The following NKAIN2 variants were observed in gnomAD, a reference collection of about 807,000 sequenced individuals.
NKAIN2 encodes sodium/potassium-transporting ATPase subunit beta-1-interacting protein 2.
A neutral mutation model predicts 32.6 loss-of-function variants in NKAIN2; 14 were observed. The ratio of observed to expected loss-of-function variants is 0.43; its 90% CI spans 0.28 to 0.67. NKAIN2 has a LOEUF of 0.67. Ranked by LOEUF, NKAIN2 falls within the 30% of genes least tolerant of loss-of-function variation. The pLI is 0.17. For synonymous variants in NKAIN2, 80 were observed against 87.2 expected (o/e 0.92, Z 0.46); for missense variants, 198 against 258.3 (o/e 0.77, Z 1.60).
intron 4 of NKAIN2, among the ~76,000 whole-genome samples, chr6:124,703,846 A>C (rs1410222808): frequency 6.6e-6 from 1 of 152,032 alleles, no homozygotes; most frequent in African/African-American, 2.4e-5. Context: ...TGAATCTGGA[A>C]TATGCCAGCA....
chr6:124,105,902 TGA>T (rs981538446), intron 1 of NKAIN2, among the ~76,000 whole-genome samples: 1 of 152,192 alleles, frequency 6.6e-6, no homozygotes, highest in Non-Finnish European at 1.5e-5. Flanking sequence ...GTTATCTCAC[TGA>T]ATTATCTCTG....
chr6:123,917,721 G>A (rs17537413), intron 1 of NKAIN2, among the ~76,000 whole-genome samples: 3,793 of 152,074 alleles, frequency 0.025, 80 homozygotes, highest in Non-Finnish European at 0.04. Context: ...GCTCACAGAC[G>A]AATTCATAAT....
At chr6:124,209,624 G>C (rs751926681) in intron 1 of NKAIN2, among the ~76,000 whole-genome samples, 3 of 151,690 alleles carry the variant, frequency 2.0e-5, no homozygotes, top group Non-Finnish European at 3.0e-5. Flanking sequence ...ATCTGTTATT[G>C]TTTGGCTTTT....
intron 1 of NKAIN2, among the ~76,000 whole-genome samples, chr6:123,863,855 A>T (rs1562226704): frequency 6.6e-6 from 1 of 150,974 alleles, no homozygotes; most frequent in East Asian, 1.9e-4. Context: ...ACCAAAGCTC[A>T]TTTTTTTTTC....
At chr6:124,699,559 G>A (rs1160339884) in intron 4 of NKAIN2, among the ~76,000 whole-genome samples, 1 of 152,106 alleles carries the variant, frequency 6.6e-6, no homozygotes, top group Non-Finnish European at 1.5e-5. Flanking sequence ...TTCCCTTGGT[G>A]CTGTTCTTGT....
rs1159595102 is a variant in NKAIN2, at chr6:124,232,120, A to G, written c.55-50885A>G. On this transcript the variant is annotated intron_variant, in intron 1 of 6. Coordinates refer to ENST00000368417, the MANE Select transcript of NKAIN2 (RefSeq NM_001040214.3). ...AATATTTTCTGCCCATTCTCTGCCTAATTTCTCAACTTATCACTAGGCATG... is the reference window on the plus strand; with the variant it reads ...AATATTTTCTGCCCATTCTCTGCCTGATTTCTCAACTTATCACTAGGCATG... 2.0e-5 allele frequency among the ~76,000 whole-genome samples: 3 copies of G among 152,120 alleles called. No homozygotes were observed. In the South Asian group the frequency reaches 6.2e-4, roughly 32 times the overall value.
At chr6:124,267,054 T>G (rs1794524605) in intron 1 of NKAIN2, among the ~76,000 whole-genome samples, 1 of 151,912 alleles carries the variant, frequency 6.6e-6, no homozygotes, top group Non-Finnish European at 1.5e-5. Flanking sequence ...TCTGGCAAAA[T>G]AAAATGTTAA....
chr6:124,186,468 A>G (rs1789748500), intron 1 of NKAIN2, among the ~76,000 whole-genome samples: 1 of 152,084 alleles, frequency 6.6e-6, no homozygotes, highest in Non-Finnish European at 1.5e-5. Flanking sequence ...AAAGTTTTCC[A>G]CAGTGAACCT....
intron 4 of NKAIN2, among the ~76,000 whole-genome samples, chr6:124,668,011 T>C (rs1772892918): frequency 6.6e-6 from 1 of 152,212 alleles, no homozygotes; most frequent in Middle Eastern, 3.4e-3. Context: ...TGCCTTTTCC[T>C]CTCCTCATGG....
chr6:124,290,560 G>A (rs2689872), intron 2 of NKAIN2, among the ~76,000 whole-genome samples: 43,781 of 148,368 alleles, frequency 0.3, 8,939 homozygotes, highest in African/African-American at 0.58. Context: ...GTGCGTCTGT[G>A]TTGCTAATTG....
At chr6:123,806,064 C>G (rs1399571295) in intron 1 of NKAIN2, among the ~76,000 whole-genome samples, 1 of 152,036 alleles carries the variant, frequency 6.6e-6, no homozygotes, top group Admixed American at 6.5e-5. Context: ...GCTAAAGGTT[C>G]CTTTGTGTTT....
chr6:124,155,179 T>C (rs1787921045), intron 1 of NKAIN2, among the ~76,000 whole-genome samples: 2 of 152,144 alleles, frequency 1.3e-5, no homozygotes, highest in African/African-American at 2.4e-5. Context: ...TCTGGATGAT[T>C]GCTTTAAAAA....
chr6:124,286,475 A>G (rs1423548057), intron 2 of NKAIN2, among the ~76,000 whole-genome samples: 1 of 152,150 alleles, frequency 6.6e-6, no homozygotes, highest in African/African-American at 2.4e-5. Flanking sequence ...AGTGTACAGC[A>G]GAGTTGATTT....
At chr6:124,757,343 G>A (rs770928160) in intron 4 of NKAIN2, among the ~76,000 whole-genome samples, 4 of 151,890 alleles carry the variant, frequency 2.6e-5, no homozygotes, top group East Asian at 1.9e-4. Context: ...CTCTCTGCAC[G>A]CTTCAACATT....
rs1793328468 is a variant in NKAIN2, at chr6:124,245,143, A to AT, written c.55-37858dup. Among the ~76,000 whole-genome samples the AT allele has an allele frequency of 3.3e-5, 5 of 152,094 alleles. No individual in the cohort carries two copies. In the South Asian group the frequency reaches 1.0e-3, roughly 32 times the overall value. On this transcript the variant is annotated intron_variant, in intron 1 of 6. Coordinates refer to ENST00000368417, the MANE Select transcript of NKAIN2 (RefSeq NM_001040214.3). ...TTTGCGCTTGGCCAACCCTAGTGAC[A>AT]TTTTCCTATGTTCTTTTTTCACCTA...
At chr6:124,540,450 G>A (rs580849) in intron 3 of NKAIN2, among the ~76,000 whole-genome samples, 140,804 of 152,294 alleles carry the variant, frequency 0.92, 66,033 homozygotes, top group East Asian at 1. Context: ...ATAATTTTGC[G>A]TATCTGTAAT....
intron 1 of NKAIN2, among the ~76,000 whole-genome samples, chr6:124,009,510 T>C (rs1376758608): frequency 6.6e-6 from 1 of 152,132 alleles, no homozygotes; most frequent in Non-Finnish European, 1.5e-5. Flanking sequence ...GGCAGCTCCT[T>C]GCACTGCATA....
intron 3 of NKAIN2, among the ~76,000 whole-genome samples, chr6:124,363,303 A>G (rs1023634651): frequency 6.6e-6 from 1 of 152,210 alleles, no homozygotes; most frequent in East Asian, 1.9e-4. Flanking sequence ...GACTACTCAA[A>G]AAAAGCTATA....
intron 1 of NKAIN2, among the ~76,000 whole-genome samples, chr6:124,239,285 TC>T (rs1792946940): frequency 6.6e-6 from 1 of 152,020 alleles, no homozygotes; most frequent in African/African-American, 2.4e-5. Context: ...AGCCTTAGAC[TC>T]CCACACAATA....
Sources: gnomAD v4.1 joint callset for allele counts (sites outside exome capture counted in the v4.1 genomes callset) on GRCh38, gnomAD v4.1.1 for gene constraint, MANE v1.5 for transcripts, NCBI Gene and HGNC (gene_info 2026-07-23, HGNC 2026-07-21) for gene names.